The following IKZF2 variants were observed in gnomAD, a reference collection of about 807,000 sequenced individuals.
IKZF2 encodes IKAROS family zinc finger 2.
Under a neutral mutation model 49.2 loss-of-function variants are expected in IKZF2, and 15 were observed. The observed-to-expected ratio is 0.30, with a 90% CI of 0.20 to 0.47. IKZF2 has a LOEUF of 0.47. Ranked by LOEUF, IKZF2 falls within the 20% of genes least tolerant of loss-of-function variation. The pLI, the probability that IKZF2 is intolerant of heterozygous loss-of-function variation, is 1.00. For missense variants in IKZF2, 567 were observed against 664.6 expected, an observed-to-expected ratio of 0.85 and a Z score of 1.61; for synonymous variants, 227 against 221.4, an observed-to-expected ratio of 1.03 and a Z score of -0.23.
At chr2:213,081,595 A>G (rs151330770) in intron 4 of IKZF2, among the ~76,000 whole-genome samples, 4 of 152,320 alleles carry the variant, frequency 2.6e-5, no homozygotes, top group African/African-American at 9.6e-5. Context: ...AGATGACTGA[A>G]TTCCACCTTG....
chr2:213,109,451 TCCAA>T (rs532501026), intron 4 of IKZF2, among the ~76,000 whole-genome samples: 238 of 151,820 alleles, frequency 1.6e-3, no homozygotes, highest in Middle Eastern at 6.8e-3. Context: ...AGACATTCAC[TCCAA>T]CCTTGACCAC....
rs781115534 is a variant in IKZF2 at position 213,049,846 on chromosome 2, A to C, written c.441T>G (p.Ala147=). 6.2e-7 allele frequency: 1 copy of C among 1,606,506 alleles called. No homozygotes were observed. Among genetic ancestry groups the C allele is most frequent in the South Asian group, 1.1e-5 (1 of 89,976 alleles). ...GAAGGTTGCCCTTCTGAGTAAAAGA[A>C]GCTCCACACTGGTTACAGTGGAAGG... ...ERPFHCNQCG[A]SFTQKGNLLR... The change falls in exon 6 of 9, where the codon GCT becomes GCG. Residue 147 remains alanine, a synonymous_variant. Transcript: ENST00000434687.
chr2:213,094,563 C>G (rs535796029), intron 4 of IKZF2, among the ~76,000 whole-genome samples: 1 of 152,058 alleles, frequency 6.6e-6, no homozygotes, highest in African/African-American at 2.4e-5. Flanking sequence ...GGCTGAGATG[C>G]GCAGGCTGGG....
At chr2:213,092,209 T>C in intron 4 of IKZF2, among the ~76,000 whole-genome samples, 1 of 151,996 alleles carries the variant, frequency 6.6e-6, no homozygotes, top group East Asian at 1.9e-4. Flanking sequence ...ATAATTATTT[T>C]GTAGAGATGA....
intron 6 of IKZF2, among the ~76,000 whole-genome samples, chr2:213,048,920 C>T (rs1190116536): frequency 1.3e-5 from 2 of 151,944 alleles, no homozygotes; most frequent in Non-Finnish European, 2.9e-5. Flanking sequence ...TCATTATGAA[C>T]AGAAGAAACA....
At chr2:213,090,589 T>C (rs1458468020) in intron 4 of IKZF2, among the ~76,000 whole-genome samples, 1 of 152,186 alleles carries the variant, frequency 6.6e-6, no homozygotes, top group Non-Finnish European at 1.5e-5. Flanking sequence ...AAACTAAGTT[T>C]CTTTAAAAAT....
At position 213,051,215 on chromosome 2, in the gene IKZF2, C is replaced by A. The variant is rs1700643768; in HGVS notation, c.407-1335G>T. Reference sequence around the variant, plus strand: ...AAGATAAACTATGGTCACTTTCTGGCAGCAGCTATTGAAAATTCTATCATA... The same window carrying A: ...AAGATAAACTATGGTCACTTTCTGGAAGCAGCTATTGAAAATTCTATCATA... On this transcript the variant is annotated intron_variant, in intron 5 of 8. Transcript: ENST00000434687. 2.0e-5 allele frequency among the ~76,000 whole-genome samples: 3 copies of A among 151,994 alleles called. No homozygotes were observed. In the South Asian group the frequency reaches 6.2e-4, roughly 32 times the overall value.
At chr2:213,141,673 AC>A (rs1455802433) in intron 4 of IKZF2, among the ~76,000 whole-genome samples, 2 of 151,854 alleles carry the variant, frequency 1.3e-5, no homozygotes, top group East Asian at 3.9e-4. Context: ...CCAAATGAGC[AC>A]CACCTCTCAT....
intron 4 of IKZF2, among the ~76,000 whole-genome samples, chr2:213,111,913 A>C (rs1308773701): frequency 6.6e-6 from 1 of 152,190 alleles, no homozygotes; most frequent in East Asian, 1.9e-4. Context: ...TGTTAATAAC[A>C]AATTATTACT....
At chr2:213,089,791 A>T (rs1705090508) in intron 4 of IKZF2, among the ~76,000 whole-genome samples, 1 of 152,200 alleles carries the variant, frequency 6.6e-6, no homozygotes, top group African/African-American at 2.4e-5. Context: ...TAGAGAAAAA[A>T]GTAGAGCCTA....
At chr2:213,097,566 A>T (rs1447346550) in intron 4 of IKZF2, among the ~76,000 whole-genome samples, 1 of 152,160 alleles carries the variant, frequency 6.6e-6, no homozygotes, top group Non-Finnish European at 1.5e-5. Context: ...ATGACTTTTA[A>T]GATCAGTCAT....
chr2:213,080,281 C>A (rs1340802767), intron 4 of IKZF2, among the ~76,000 whole-genome samples: 5 of 152,078 alleles, frequency 3.3e-5, no homozygotes, highest in African/African-American at 9.7e-5. Flanking sequence ...CCATAATTTA[C>A]AAATACTGTG....
intron 8 of IKZF2, among the ~76,000 whole-genome samples, chr2:213,008,410 T>G (rs1402054158): frequency 6.6e-6 from 1 of 151,998 alleles, no homozygotes; most frequent in Non-Finnish European, 1.5e-5. Flanking sequence ...TTTTGTATTT[T>G]TAGTAGAGAT....
intron 6 of IKZF2, among the ~76,000 whole-genome samples, chr2:213,040,502 G>T (rs1699527815): frequency 6.6e-6 from 1 of 151,628 alleles, no homozygotes; most frequent in East Asian, 1.9e-4. Context: ...TTTAATTTGG[G>T]TACAGCATAA....
intron 6 of IKZF2, among the ~76,000 whole-genome samples, chr2:213,028,030 T>G (rs888347925): frequency 2.0e-5 from 3 of 152,180 alleles, no homozygotes; most frequent in Non-Finnish European, 4.4e-5. Context: ...ACATAATTAC[T>G]ATAGTTGTCA....
At chr2:213,126,970 T>A (rs2060285711) in intron 4 of IKZF2, among the ~76,000 whole-genome samples, 3 of 152,188 alleles carry the variant, frequency 2.0e-5, no homozygotes, top group Admixed American at 2.0e-4. Flanking sequence ...CCATACAGCA[T>A]TCTGACTGAA....
At chr2:213,102,806 G>A (rs1193269051) in intron 4 of IKZF2, among the ~76,000 whole-genome samples, 2 of 151,976 alleles carry the variant, frequency 1.3e-5, no homozygotes, top group Admixed American at 6.6e-5. Flanking sequence ...TGCTTCCTCA[G>A]TAATATTCTG....
intron 4 of IKZF2, among the ~76,000 whole-genome samples, chr2:213,073,886 C>T (rs1447242366): frequency 6.6e-6 from 1 of 152,140 alleles, no homozygotes; most frequent in Non-Finnish European, 1.5e-5. Flanking sequence ...AGATAAATTT[C>T]CATTTCACAA....
In IKZF2 at chr2:213,007,234, C is replaced by T; in HGVS notation, c.*126G>A. ...ACTGCCTCCACAAAATAAGAATTAT[C>T]AACAGTAATAATATTAAAAAAAATA... On this transcript the variant is annotated 3_prime_UTR_variant, in exon 9 of 9. Transcript: ENST00000434687. 9.9e-7 allele frequency: 1 copy of T among 1,009,754 alleles called. No homozygotes were observed. Among genetic ancestry groups the T allele is most frequent in the African/African-American group, 1.6e-5 (1 of 61,008 alleles). 62.5% of individuals were successfully genotyped at this position (1,009,754 alleles called of 1,614,324 possible).
Sources: gnomAD v4.1 joint callset for allele counts (sites outside exome capture counted in the v4.1 genomes callset) on GRCh38, gnomAD v4.1.1 for gene constraint, MANE v1.5 for transcripts, NCBI Gene and HGNC (gene_info 2026-07-23, HGNC 2026-07-21) for gene names.